Variants in NLRC5 observed in about 807,000 individuals in gnomAD.
The protein encoded by NLRC5 is protein NLRC5.
Under a neutral mutation model 206.9 loss-of-function variants are expected in NLRC5, and 114 were observed. The observed-to-expected ratio is 0.55, with a 90% CI of 0.47 to 0.64. NLRC5 has a LOEUF of 0.64. Ranked by LOEUF, NLRC5 falls within the 30% of genes least tolerant of loss-of-function variation. The pLI is 0.00. For synonymous variants in NLRC5, 952 were observed against 962.8 expected (o/e 0.99, Z 0.21); for missense variants, 2,008 against 2,305.5 (o/e 0.87, Z 2.64).
At chr16:57,045,896 C>T (rs1439822160) in intron 21 of NLRC5, among the ~76,000 whole-genome samples, 2 of 152,232 alleles carry the variant, frequency 1.3e-5, no homozygotes, top group Non-Finnish European at 2.9e-5. Context: ...CGTGGGTGCT[C>T]TGAAAAAACA....
intron 32 of NLRC5, among the ~76,000 whole-genome samples, chr16:57,063,316 A>G (rs1291413780): frequency 1.3e-5 from 2 of 151,478 alleles, no homozygotes; most frequent in Admixed American, 6.6e-5. Context: ...GGGTTTCACC[A>G]TGTTGGCGAG....
At chr16:56,994,307 C>T (rs781100891) in intron 1 of NLRC5, among the ~76,000 whole-genome samples, 32 of 152,276 alleles carry the variant, frequency 2.1e-4, no homozygotes, top group Admixed American at 1.6e-3. Context: ...AGGGCATTTT[C>T]GGTGAGTCCA....
chr16:57,058,601 C>T (rs749207044), intron 28 of NLRC5: 10 of 333,644 alleles, frequency 3.0e-5, no homozygotes, highest in Non-Finnish European at 4.5e-5. Context: ...CCATCTCTCC[C>T]GTGACCTGCT....
In NLRC5 at chr16:57,020,910, G is replaced by A. The variant is rs190154357; in HGVS notation, c.198G>A (p.Ser66=). Residue 66 remains serine, a synonymous_variant, in exon 3 of 49, where the codon TCG becomes TCA. Coordinates refer to ENST00000688547, the MANE Select transcript of NLRC5 (RefSeq NM_001384950.1). Reference sequence around the variant, plus strand: ...TCAACAAGCTGCATGTCCAGGGTTCGGACACCTGGCAGTCTTTCATTCATT... The same window carrying A: ...TCAACAAGCTGCATGTCCAGGGTTCAGACACCTGGCAGTCTTTCATTCATT... ...LQLNKLHVQG[S]DTWQSFIHCV... The A allele has an allele frequency of 5.6e-6, 9 of 1,613,958 alleles. No homozygotes were observed. The highest frequency in any genetic ancestry group is 2.2e-5 in the East Asian group (1 of 44,828).
Position 56,989,633 on chromosome 16 carries a change from G to C in NLRC5, c.-128+16G>C, listed in dbSNP as rs2056536983. ...AGCTCTGAGGGTGAGTGCCGGGCGT[G>C]CCGCGGGGCTGCGGGACCCGGGCTG... On this transcript the variant is annotated intron_variant, in intron 1 of 48. Coordinates refer to ENST00000688547, the MANE Select transcript of NLRC5 (RefSeq NM_001384950.1). The C allele has an allele frequency of 6.5e-6, 1 of 152,758 alleles. No homozygotes were observed. Among genetic ancestry groups the C allele is most frequent in the South Asian group, 2.1e-4 (1 of 4,866 alleles). The allele number at this position is 152,758 out of a possible 1,614,324, so 9.5% of individuals were successfully genotyped here. A position where few individuals can be genotyped will look rare whatever the true frequency, so the allele number is the denominator to read the frequency against.
chr16:57,029,700 TG>T, intron 8 of NLRC5, 72 bp from the exon 9 acceptor site: 3 of 1,285,098 alleles, frequency 2.3e-6, no homozygotes, highest in Non-Finnish European at 2.2e-6. Context: ...GTGGCCATCC[TG>T]TCACTTGCTA....
intron 23 of NLRC5, among the ~76,000 whole-genome samples, chr16:57,051,067 C>A (rs1201783827): frequency 6.6e-6 from 1 of 152,066 alleles, no homozygotes; most frequent in Non-Finnish European, 1.5e-5. Flanking sequence ...CCATGTTGCC[C>A]AGGCTGGTCC....
intron 46 of NLRC5, 42 bp downstream of exon 46, chr16:57,079,671 A>G: frequency 6.3e-7 from 1 of 1,579,426 alleles, no homozygotes; most frequent in Non-Finnish European, 8.7e-7. Context: ...GGAAAAGGAA[A>G]AGTCGGGAGG....
chr16:57,028,093 G>C lies in NLRC5; in HGVS notation c.2097G>C (p.Gly699=). 6.2e-7 allele frequency: 1 copy of C among 1,613,604 alleles called. No homozygotes were observed. The highest frequency in any genetic ancestry group is 1.3e-5 in the African/African-American group (1 of 75,036). The change falls in exon 7 of 49, where the codon GGG becomes GGC. Residue 699 remains glycine (G), a synonymous_variant. Transcript: ENST00000688547. ...ENLSFKSRKC[G]DAFAEALSRS... ...GCAGCTTTAAGAGCAGGAAGTGTGG[G>C]GATGCCTTTGCAGAAGCCCTCTCCA...
At chr16:57,062,319 G>C in intron 32 of NLRC5, 2 of 362,976 alleles carry the variant, frequency 5.5e-6, no homozygotes, top group South Asian at 4.3e-5. Flanking sequence ...GTACTACCTA[G>C]TCTAATCTAA....
intron 1 of NLRC5, among the ~76,000 whole-genome samples, chr16:57,010,345 A>G (rs192066682): frequency 6.6e-6 from 1 of 152,214 alleles, no homozygotes; most frequent in East Asian, 1.9e-4. Flanking sequence ...AGTAAAATGA[A>G]ATATTTTCTC....
chr16:57,000,167 C>G (rs1325307934), intron 1 of NLRC5, among the ~76,000 whole-genome samples: 2 of 152,160 alleles, frequency 1.3e-5, no homozygotes, highest in African/African-American at 2.4e-5. Flanking sequence ...AGCCACCCAC[C>G]CCTTCCTGTG....
chr16:56,994,008 A>G (rs1259501951), intron 1 of NLRC5, among the ~76,000 whole-genome samples: 4 of 151,566 alleles, frequency 2.6e-5, no homozygotes, highest in Admixed American at 6.6e-5. Context: ...AATTCTTCCA[A>G]TAGTTCTCAC....
At chr16:57,035,885 C>G (rs966705548) in intron 13 of NLRC5, among the ~76,000 whole-genome samples, 1 of 152,166 alleles carries the variant, frequency 6.6e-6, no homozygotes, top group Non-Finnish European at 1.5e-5. Flanking sequence ...ACAGTGCCCA[C>G]GTCATCGGCA....
At chr16:57,015,416 G>A (rs1202867750) in intron 1 of NLRC5, among the ~76,000 whole-genome samples, 2 of 152,106 alleles carry the variant, frequency 1.3e-5, no homozygotes, top group Non-Finnish European at 2.9e-5. Flanking sequence ...ATTTGCTAAA[G>A]CCTCTCTTTA....
chr16:57,071,766 T>C (rs1381205364), intron 38 of NLRC5, among the ~76,000 whole-genome samples: 1 of 106,108 alleles, frequency 9.4e-6, no homozygotes, highest in Non-Finnish European at 1.9e-5. Context: ...AGGGAAGAGT[T>C]GTGAGTGAGT....
intron 1 of NLRC5, among the ~76,000 whole-genome samples, chr16:57,012,699 G>A (rs542003745): frequency 1.3e-5 from 2 of 152,202 alleles, no homozygotes; most frequent in South Asian, 2.1e-4. Context: ...CCCAACCCCC[G>A]TCCGGGGAAA....
At chr16:56,998,006 C>G (rs114841227) in intron 1 of NLRC5, among the ~76,000 whole-genome samples, 2,627 of 152,180 alleles carry the variant, frequency 0.017, 72 homozygotes, top group African/African-American at 0.059. Flanking sequence ...ATGTCAGCCT[C>G]TAAGTCAGTT....
intron 39 of NLRC5, among the ~76,000 whole-genome samples, chr16:57,075,306 G>A (rs983890422): frequency 1.4e-5 from 2 of 144,668 alleles, no homozygotes; most frequent in African/African-American, 5.4e-5. Context: ...TGCAACCTCC[G>A]CCTCCCGGGT....
Sources: allele counts gnomAD v4.1 joint callset (sites outside exome capture counted in the v4.1 genomes callset), GRCh38; gene constraint gnomAD v4.1.1; transcripts MANE v1.5; gene names NCBI Gene and HGNC (gene_info 2026-07-23, HGNC 2026-07-21).